STXBP5L: variants seen among roughly 807,000 people sequenced by gnomAD.
STXBP5L encodes syntaxin binding protein 5L.
In STXBP5L, 65 loss-of-function variants were observed where a neutral mutation model predicts 144.5. The observed-to-expected ratio is 0.45, with a 90% confidence interval of 0.37 to 0.55. STXBP5L has a LOEUF of 0.55. STXBP5L is among the 20% of genes least tolerant of loss of function. The pLI, the probability that STXBP5L is intolerant of heterozygous loss-of-function variation, is 0.00. For missense variants in STXBP5L, 1,298 were observed against 1,405.5 expected, an observed-to-expected ratio of 0.92 and a Z score of 1.22; for synonymous variants, 505 against 469.6, an observed-to-expected ratio of 1.08 and a Z score of -0.97.
chr3:121,223,075 G>T lies in STXBP5L; in HGVS notation c.1029G>T (p.Met343Ile), dbSNP rs555306958. The change falls in exon 11 of 27, where the codon ATG becomes ATT. Residue 343 changes from methionine (M) to isoleucine (I), a missense_variant. Met to Ile is a conservative substitution (Grantham distance 10, BLOSUM62 1). Coordinates refer to ENST00000471454, the MANE Select transcript of STXBP5L (RefSeq NM_001308330.2). ...KACRRPSLTI[M>I]HGKAITVLEM... is the part of the protein sequence containing the mutation. ...GTAGAAGACCAAGTTTAACCATCAT[G>T]CATGGAAAAGCAATTACAGTACTTG... 3.7e-6 allele frequency: 6 copies of T among 1,612,902 alleles called. No individual in the cohort carries two copies. In the South Asian group the frequency reaches 5.5e-5, roughly 15 times the overall value.
At chr3:121,395,054 A>G (rs2046694926) in intron 22 of STXBP5L, among the ~76,000 whole-genome samples, 3 of 152,154 alleles carry the variant, frequency 2.0e-5, no homozygotes, top group Admixed American at 1.3e-4. Context: ...AGACAGATGA[A>G]AAAAAATCTA....
At chr3:121,117,934 T>C (rs1291678912) in intron 6 of STXBP5L, among the ~76,000 whole-genome samples, 1 of 151,622 alleles carries the variant, frequency 6.6e-6, no homozygotes, top group Non-Finnish European at 1.5e-5. Context: ...TATGGGAAAA[T>C]ATATACCAGG....
intron 9 of STXBP5L, among the ~76,000 whole-genome samples, chr3:121,171,735 G>A (rs564904208): frequency 6.0e-5 from 9 of 150,908 alleles, no homozygotes; most frequent in African/African-American, 1.2e-4. Flanking sequence ...CCATGCTGAC[G>A]GATAAGAAGA....
chr3:121,381,510 G>A lies in STXBP5L; in HGVS notation c.2565G>A (p.Glu855=). 3.8e-6 allele frequency: 6 copies of A among 1,592,922 alleles called. No individual in the cohort carries two copies. The highest frequency in any genetic ancestry group is 3.4e-6 in the Non-Finnish European group (4 of 1,174,098). Reference sequence around the variant, plus strand: ...TAGCAGATGAACAAAGGTTTACAGAGCCAGTCATGGTATTGCCAAGTGGTA... The same window carrying A: ...TAGCAGATGAACAAAGGTTTACAGAACCAGTCATGGTATTGCCAAGTGGTA... ...LPLADEQRFT[E]PVMVLPSGTF... is the part of the protein sequence containing the mutation. The change falls in exon 22 of 27, where the codon GAG becomes GAA. Residue 855 remains glutamate, a synonymous_variant. Transcript: ENST00000471454.
rs187032987 is a variant in STXBP5L at position 121,059,152 on chromosome 3, A to C, written c.470+13617A>C. ...TCCATCTTGAGTTAATCTTTGTATAAGGTGTAAGGAAGGGGTCCAGTTTCA... is the reference window on the plus strand; with the variant it reads ...TCCATCTTGAGTTAATCTTTGTATACGGTGTAAGGAAGGGGTCCAGTTTCA... On this transcript the variant is annotated intron_variant, in intron 5 of 26. Transcript: ENST00000471454. Among the ~76,000 whole-genome samples, 39 of 152,294 alleles carry C rather than the reference A, an allele frequency of 2.6e-4. No homozygotes were observed. In the East Asian group the frequency reaches 7.3e-3, roughly 29 times the overall value.
At chr3:121,085,526 C>A (rs545556196) in intron 5 of STXBP5L, among the ~76,000 whole-genome samples, 1 of 152,068 alleles carries the variant, frequency 6.6e-6, no homozygotes, top group Admixed American at 6.6e-5. Context: ...TTCATATACA[C>A]CAACAATAGA....
At chr3:120,934,019 CT>C (rs11409531) in intron 2 of STXBP5L, among the ~76,000 whole-genome samples, 2 of 148,998 alleles carry the variant, frequency 1.3e-5, no homozygotes, top group African/African-American at 2.5e-5. Context: ...AAATTTTGAG[CT>C]TTTTTTTTGC....
At chr3:121,025,858 C>T (rs1383490811) in intron 3 of STXBP5L, among the ~76,000 whole-genome samples, 2 of 145,744 alleles carry the variant, frequency 1.4e-5, no homozygotes, top group Non-Finnish European at 3.0e-5. Context: ...AAAAGTATAT[C>T]ATTAAATTAT....
chr3:121,093,274 A>T (rs1348215209), intron 5 of STXBP5L, among the ~76,000 whole-genome samples: 1 of 152,162 alleles, frequency 6.6e-6, no homozygotes, highest in African/African-American at 2.4e-5. Context: ...TATCAGGATG[A>T]TGCTGGCCTC....
rs903954090 is a variant in STXBP5L, at chr3:121,066,812, A to T, written c.470+21277A>T. 2.6e-5 allele frequency among the ~76,000 whole-genome samples: 4 copies of T among 152,096 alleles called. No homozygotes were observed. The East Asian group carries it at 7.7e-4, about 29-fold the overall frequency. On this transcript the variant is annotated intron_variant, in intron 5 of 26. Transcript: ENST00000471454. ...TTTGGTGTTCCCTCTTAAAATTTGG[A>T]AAAATTCACCAGTAAAGCAATGTAG...
intron 5 of STXBP5L, among the ~76,000 whole-genome samples, chr3:121,061,875 A>G (rs1274776501): frequency 1.3e-5 from 2 of 152,060 alleles, no homozygotes; most frequent in African/African-American, 4.8e-5. Context: ...TGCACATGAG[A>G]TGGGTCTCCT....
chr3:120,971,826 A>G (rs953431390), intron 3 of STXBP5L, among the ~76,000 whole-genome samples: 1 of 151,556 alleles, frequency 6.6e-6, no homozygotes, highest in Non-Finnish European at 1.5e-5. Flanking sequence ...GTGCCATGGA[A>G]TACTGGTATA....
At chr3:121,193,583 C>T (rs1412251238) in intron 9 of STXBP5L, among the ~76,000 whole-genome samples, 1 of 152,168 alleles carries the variant, frequency 6.6e-6, no homozygotes, top group African/African-American at 2.4e-5. Flanking sequence ...AAATGTCCAT[C>T]AATGATAGAC....
intron 19 of STXBP5L, among the ~76,000 whole-genome samples, chr3:121,313,436 G>A (rs1456545304): frequency 1.1e-4 from 12 of 105,386 alleles, no homozygotes; most frequent in Admixed American, 2.9e-4. Context: ...GGCCGGGCGG[G>A]GGGCTGACCC....
intron 3 of STXBP5L, among the ~76,000 whole-genome samples, chr3:120,965,098 G>T (rs1341557620): frequency 6.6e-6 from 1 of 152,030 alleles, no homozygotes; most frequent in Non-Finnish European, 1.5e-5. Context: ...TGCAACCCCT[G>T]GTTTTTTTTG....
chr3:121,046,288 C>T (rs1947511579), intron 5 of STXBP5L, among the ~76,000 whole-genome samples: 1 of 152,104 alleles, frequency 6.6e-6, no homozygotes, highest in Non-Finnish European at 1.5e-5. Context: ...AGAATTTTTA[C>T]ATCTGTGTTC....
At chr3:121,159,723 G>T (rs1298173713) in intron 9 of STXBP5L, among the ~76,000 whole-genome samples, 1 of 144,884 alleles carries the variant, frequency 6.9e-6, no homozygotes, top group African/African-American at 2.6e-5. Context: ...TCCGCCTCCC[G>T]GGTTCACGCC....
At chr3:121,276,070 C>G (rs1041604234) in intron 18 of STXBP5L, among the ~76,000 whole-genome samples, 2 of 151,590 alleles carry the variant, frequency 1.3e-5, no homozygotes, top group Non-Finnish European at 2.9e-5. Context: ...CCCCCACTCC[C>G]CCTTTTTTTT....
At chr3:121,291,307 T>TA (rs982901366) in intron 19 of STXBP5L, among the ~76,000 whole-genome samples, 18 of 151,520 alleles carry the variant, frequency 1.2e-4, no homozygotes, top group Admixed American at 3.3e-4. Flanking sequence ...ACAACAGCTG[T>TA]AAAAAAAATA....
Sources: gnomAD v4.1 joint callset for allele counts (sites outside exome capture counted in the v4.1 genomes callset) on GRCh38, gnomAD v4.1.1 for gene constraint, MANE v1.5 for transcripts, NCBI Gene and HGNC (gene_info 2026-07-23, HGNC 2026-07-21) for gene names.